TNFAIP8: variants seen among roughly 807,000 people sequenced by gnomAD.
TNFAIP8 encodes TNF alpha induced protein 8.
A neutral mutation model predicts 13.3 loss-of-function variants in TNFAIP8; 7 were observed. That is an observed-to-expected ratio of 0.52 (90% confidence interval 0.30 to 0.99). The LOEUF (loss-of-function observed/expected upper bound fraction) is 0.99, where lower values mean the gene tolerates loss of function less well. Among genes scored for constraint, TNFAIP8 ranks in the 50% least tolerant of loss-of-function variants. The pLI is 0.07. For missense variants in TNFAIP8, 258 were observed against 236.9 expected (o/e 1.09, Z -0.58); for synonymous variants, 94 against 87.6 (o/e 1.07, Z -0.41).
At chr5:119,333,019 C>T (rs1345148105) in intron 1 of TNFAIP8, among the ~76,000 whole-genome samples, 1 of 151,242 alleles carries the variant, frequency 6.6e-6, no homozygotes, top group Non-Finnish European at 1.5e-5. Flanking sequence ...AATAGACGTT[C>T]ATGTTTATAC....
At chr5:119,298,255 T>C (rs1749243918) in intron 1 of TNFAIP8, among the ~76,000 whole-genome samples, 1 of 152,004 alleles carries the variant, frequency 6.6e-6, no homozygotes, top group Non-Finnish European at 1.5e-5. Context: ...CGGTTGTTCC[T>C]TTCCATGTTT....
chr5:119,387,362 T>C (rs1752721283), intron 1 of TNFAIP8, among the ~76,000 whole-genome samples: 1 of 152,238 alleles, frequency 6.6e-6, no homozygotes, highest in Non-Finnish European at 1.5e-5. Context: ...TTATCTTTTC[T>C]ATCCTTCCTA....
intron 1 of TNFAIP8, among the ~76,000 whole-genome samples, chr5:119,319,665 A>T (rs1749997139): frequency 1.3e-5 from 2 of 152,230 alleles, no homozygotes; most frequent in Admixed American, 1.3e-4. Flanking sequence ...TTTCTTGGTA[A>T]CCAGGATTAT....
chr5:119,297,994 G>A (rs1454018206), intron 1 of TNFAIP8, among the ~76,000 whole-genome samples: 1 of 152,176 alleles, frequency 6.6e-6, no homozygotes, highest in Non-Finnish European at 1.5e-5. Context: ...TTGAGCCTAT[G>A]TGTGTCTCTG....
At chr5:119,318,733 A>C (rs1479719836) in intron 1 of TNFAIP8, among the ~76,000 whole-genome samples, 2 of 112,984 alleles carry the variant, frequency 1.8e-5, no homozygotes, top group East Asian at 2.7e-4. Flanking sequence ...CTTCCTCCTC[A>C]CCATCTCATG....
At chr5:119,355,753 C>T (rs146295659), upstream of TNFAIP8, 1,247 of 257,624 alleles carry the variant, frequency 4.8e-3, 21 homozygotes, top group African/African-American at 0.027. Flanking sequence ...CCCTGTGTCT[C>T]GGGAGAGTCG....
At chr5:119,280,398 TA>T (rs1460146265) in intron 1 of TNFAIP8, among the ~76,000 whole-genome samples, 15 of 131,964 alleles carry the variant, frequency 1.1e-4, no homozygotes, top group Admixed American at 1.0e-3. Context: ...CTCCTTCCTT[TA>T]AATTTTTTTT....
rs1753141515 is a variant in TNFAIP8, at chr5:119,399,230, G to A, written c.*5849G>A. 1 of 152,240 alleles carries A rather than the reference G, an allele frequency of 6.6e-6. No homozygotes were observed. The highest frequency in any genetic ancestry group is 6.5e-5 in the Admixed American group (1 of 15,278). 9.4% of individuals were successfully genotyped at this position (152,240 alleles called of 1,614,324 possible). On this transcript the variant is annotated 3_prime_UTR_variant, in exon 2 of 2. Transcript: ENST00000504771. ...GCCTTCCTCTGGGAGAGGCACTGGA[G>A]TGTGGCCAGATGGAACCCAGCAGGG...
chr5:119,355,974 T>A, upstream of TNFAIP8: 13 of 1,497,200 alleles, frequency 8.7e-6, no homozygotes, highest in African/African-American at 1.4e-5. Context: ...GTTTTGATTT[T>A]AGTGGCTTTC....
intron 1 of TNFAIP8, among the ~76,000 whole-genome samples, chr5:119,283,371 A>G (rs921921678): frequency 1.3e-5 from 2 of 152,180 alleles, no homozygotes; most frequent in Non-Finnish European, 2.9e-5. Flanking sequence ...AGTGGCCCAA[A>G]CCTGAAGTCC....
chr5:119,321,648 C>T (rs1750059611), intron 1 of TNFAIP8, among the ~76,000 whole-genome samples: 1 of 152,206 alleles, frequency 6.6e-6, no homozygotes, highest in Non-Finnish European at 1.5e-5. Flanking sequence ...GTTCTTTCCA[C>T]TTGCCCTAGC....
At chr5:119,335,061 G>A (rs1031711091) in intron 1 of TNFAIP8, among the ~76,000 whole-genome samples, 2 of 152,142 alleles carry the variant, frequency 1.3e-5, no homozygotes, top group African/African-American at 4.8e-5. Flanking sequence ...GGTTGTGCGT[G>A]CCAAGCTGAG....
At chr5:119,337,119 A>G (rs1431210169) in intron 1 of TNFAIP8, among the ~76,000 whole-genome samples, 1 of 152,260 alleles carries the variant, frequency 6.6e-6, no homozygotes, top group Non-Finnish European at 1.5e-5. Context: ...TCCAGTGGAC[A>G]AAGTGACATG....
Position 119,394,611 on chromosome 5 carries a change from A to ATTTTTTTTTTTTTT in TNFAIP8, c.*1236_*1249dup, listed in dbSNP as rs397963876. 24 of 114,692 alleles carry ATTTTTTTTTTTTTT rather than the reference A, an allele frequency of 2.1e-4. 1 individual carries two copies. The highest frequency in any genetic ancestry group is 8.5e-4 in the African/African-American group (21 of 24,796). The allele number at this position is 114,692 out of a possible 1,614,324, so 7.1% of individuals were successfully genotyped here. On this transcript the variant is annotated 3_prime_UTR_variant, in exon 2 of 2. Transcript: ENST00000504771. ...CATTTCCATTGTCACTGTGTCTATG[A>ATTTTTTTTTTTTTT]TTTTTTTTTTTTTTTTTTTGAGTCT...
chr5:119,294,567 T>TG (rs1242455145), intron 1 of TNFAIP8, among the ~76,000 whole-genome samples: 5 of 152,284 alleles, frequency 3.3e-5, no homozygotes, highest in African/African-American at 1.2e-4. Flanking sequence ...TACCCAGTAA[T>TG]GGATGGCTGG....
intron 1 of TNFAIP8, among the ~76,000 whole-genome samples, chr5:119,341,087 C>CTT (rs35856054): frequency 9.4e-5 from 13 of 138,388 alleles, no homozygotes; most frequent in African/African-American, 2.7e-4. Flanking sequence ...TGGTCTCCTG[C>CTT]TTTTTTTTTT....
chr5:119,310,395 G>C (rs1363236916), intron 1 of TNFAIP8, among the ~76,000 whole-genome samples: 1 of 152,090 alleles, frequency 6.6e-6, no homozygotes, highest in African/African-American at 2.4e-5. Flanking sequence ...GCTGGAGAAG[G>C]CCAAAGGCTG....
chr5:119,393,325 C>T lies in TNFAIP8; in HGVS notation c.541C>T (p.His181Tyr). ...LYNPFGNFKP[H>Y]LQKLCDGINK... Reference sequence around the variant, plus strand: ...TAATCCTTTTGGGAATTTTAAACCCCACTTACAAAAACTATGTGATGGTAT... The same window carrying T: ...TAATCCTTTTGGGAATTTTAAACCCTACTTACAAAAACTATGTGATGGTAT... Residue 181 changes from histidine to tyrosine, a missense_variant, in exon 2 of 2, where the codon CAC (histidine) becomes TAC (tyrosine). Coordinates refer to ENST00000504771, the MANE Select transcript of TNFAIP8 (RefSeq NM_014350.4). The T allele has an allele frequency of 6.2e-7, 1 of 1,613,916 alleles. No homozygotes were observed. The highest frequency in any genetic ancestry group is 8.5e-7 in the Non-Finnish European group (1 of 1,179,868).
intron 1 of TNFAIP8, among the ~76,000 whole-genome samples, chr5:119,303,888 A>G (rs1749468268): frequency 6.6e-6 from 1 of 152,178 alleles, no homozygotes; most frequent in Admixed American, 6.5e-5. Context: ...GGGGTGAAAT[A>G]TTTTACCTAA....
Sources: allele counts gnomAD v4.1 joint callset (sites outside exome capture counted in the v4.1 genomes callset), GRCh38; gene constraint gnomAD v4.1.1; transcripts MANE v1.5; gene names NCBI Gene and HGNC (gene_info 2026-07-23, HGNC 2026-07-21).